Variants in YAF2 observed in about 807,000 individuals in gnomAD.
YAF2 encodes the protein YY1-associated factor 2.
In YAF2, 7 loss-of-function variants were observed where a neutral mutation model predicts 20.1. The observed-to-expected ratio is 0.35, with a 90% CI of 0.20 to 0.65. The LOEUF (loss-of-function observed/expected upper bound fraction) is 0.65, where lower values mean the gene tolerates loss of function less well. Ranked by LOEUF, YAF2 falls within the 30% of genes least tolerant of loss-of-function variation. YAF2 has a pLI of 0.69. For synonymous variants in YAF2, 74 were observed against 76.0 expected, an observed-to-expected ratio of 0.97 and a Z score of 0.14; for missense variants, 151 against 219.2, an observed-to-expected ratio of 0.69 and a Z score of 1.96.
chr12:42,227,437 C>T lies in YAF2; in HGVS notation c.152+10162G>A, dbSNP rs1435466249. Among the ~76,000 whole-genome samples, 11 of 117,140 alleles carry T rather than the reference C, an allele frequency of 9.4e-5. No individual in the cohort carries two copies. The South Asian group carries it at 3.1e-3, about 33-fold the overall frequency. 76.8% of individuals were successfully genotyped at this position (117,140 alleles called of 152,430 possible). ...GCCATCACATCTAGGAAGTGAGGAG[C>T]GTCTCTGCCCGGCCGCCCATCGTCT... On this transcript the variant is annotated intron_variant, in intron 2 of 3. Coordinates refer to ENST00000534854, the MANE Select transcript of YAF2 (RefSeq NM_005748.6).
intron 2 of YAF2, among the ~76,000 whole-genome samples, chr12:42,186,133 G>A (rs1231984942): frequency 6.7e-6 from 1 of 150,150 alleles, no homozygotes; most frequent in East Asian, 2.0e-4. Flanking sequence ...AGAGGTTGCA[G>A]TGGCTGAGAT....
chr12:42,227,988 C>CT (rs2067800522), intron 2 of YAF2, among the ~76,000 whole-genome samples: 1 of 140,488 alleles, frequency 7.1e-6, no homozygotes, highest in Non-Finnish European at 1.6e-5. Context: ...GTCAGCCCCC[C>CT]GCCTGGCCAG....
intron 2 of YAF2, chr12:42,205,967 T>C: frequency 2.8e-6 from 1 of 360,558 alleles, no homozygotes; most frequent in Non-Finnish European, 5.5e-6. Context: ...ATATTGCTTC[T>C]CCACTCCTCT....
intron 2 of YAF2, among the ~76,000 whole-genome samples, chr12:42,182,543 G>A (rs2066370672): frequency 6.6e-6 from 1 of 152,120 alleles, no homozygotes; most frequent in Admixed American, 6.6e-5. Context: ...AAGATGAGCT[G>A]GAATCACAAC....
At chr12:42,193,427 T>C (rs997285230) in intron 2 of YAF2, among the ~76,000 whole-genome samples, 1 of 152,210 alleles carries the variant, frequency 6.6e-6, no homozygotes, top group African/African-American at 2.4e-5. Context: ...TTTATTGCTA[T>C]TTCAGAGTGT....
At chr12:42,232,422 T>C (rs993266836) in intron 2 of YAF2, 3 of 985,222 alleles carry the variant, frequency 3.0e-6, no homozygotes, top group African/African-American at 1.7e-5. Flanking sequence ...CACTCTGATA[T>C]CCAGACTACA....
rs553322623 is a variant in YAF2, at chr12:42,160,945, A to G, written c.306-119T>C. On this transcript the variant is annotated intron_variant, in intron 3 of 3. Coordinates refer to ENST00000534854, the MANE Select transcript of YAF2 (RefSeq NM_005748.6). Reference sequence around the variant, plus strand: ...TGAATACATGTATTTAAGGCAATTTATGTGTAACTAGCCACAAAAACATCA... The same window carrying G: ...TGAATACATGTATTTAAGGCAATTTGTGTGTAACTAGCCACAAAAACATCA... 6 of 725,110 alleles carry G rather than the reference A, an allele frequency of 8.3e-6. No homozygotes were observed. The South Asian group carries it at 9.6e-5, about 12-fold the overall frequency. 44.9% of individuals were successfully genotyped at this position (725,110 alleles called of 1,614,324 possible).
rs1445971937 is a variant in YAF2, at chr12:42,238,136, G to A, written c.26+19C>T. On this transcript the variant is annotated intron_variant, in intron 1 of 3. Coordinates refer to ENST00000534854, the MANE Select transcript of YAF2 (RefSeq NM_005748.6). Reference sequence around the variant, plus strand: ...CTGCCGCCCGCACAGTCCGGGCCCCGGGGCCCGGGCGCTGTTACCTGGTGG... The same window carrying A: ...CTGCCGCCCGCACAGTCCGGGCCCCAGGGCCCGGGCGCTGTTACCTGGTGG... 4 of 1,532,786 alleles carry A rather than the reference G, an allele frequency of 2.6e-6. 1 individual carries two copies. The Admixed American group carries it at 7.9e-5, about 30-fold the overall frequency. The allele number at this position is 1,532,786 out of a possible 1,614,324, so 94.9% of individuals were successfully genotyped here. A position where few individuals can be genotyped will look rare whatever the true frequency, so the allele number is the denominator to read the frequency against.
At chr12:42,194,381 C>T (rs1224069828) in intron 2 of YAF2, among the ~76,000 whole-genome samples, 3 of 152,128 alleles carry the variant, frequency 2.0e-5, no homozygotes, top group Non-Finnish European at 2.9e-5. Flanking sequence ...GGATGGCTCA[C>T]GCCTGTAATC....
chr12:42,193,921 T>C (rs1250445023), intron 2 of YAF2, among the ~76,000 whole-genome samples: 1 of 152,188 alleles, frequency 6.6e-6, no homozygotes, highest in Non-Finnish European at 1.5e-5. Context: ...TCTGTATGCC[T>C]AGGCTAATGT....
intron 2 of YAF2, among the ~76,000 whole-genome samples, chr12:42,194,599 G>C (rs1355786839): frequency 3.3e-5 from 5 of 152,160 alleles, no homozygotes; most frequent in African/African-American, 4.8e-5. Context: ...AGCTGAGATT[G>C]TGCCACTGCA....
intron 2 of YAF2, among the ~76,000 whole-genome samples, chr12:42,215,999 C>A (rs1391125462): frequency 6.6e-6 from 1 of 151,612 alleles, no homozygotes; most frequent in Non-Finnish European, 1.5e-5. Context: ...ATTTACTTAC[C>A]ACTTAAATTC....
chr12:42,166,044 G>A (rs764406509), intron 2 of YAF2, among the ~76,000 whole-genome samples: 4 of 151,642 alleles, frequency 2.6e-5, no homozygotes, highest in African/African-American at 9.7e-5. Flanking sequence ...TCAGCCTCCC[G>A]AGTAGCTGGG....
At position 42,208,620 on chromosome 12, in the gene YAF2, A is replaced by G. The variant is rs557324355; in HGVS notation, c.152+28979T>C. On this transcript the variant is annotated intron_variant, in intron 2 of 3. Coordinates refer to ENST00000534854, the MANE Select transcript of YAF2 (RefSeq NM_005748.6). ...GGGTGCTGCTAAGGTACTGTATTAA[A>G]TAAATTCCATGAATTAATAGTCTTA... Among the ~76,000 whole-genome samples the G allele has an allele frequency of 3.9e-5, 6 of 152,346 alleles. 1 individual carries two copies. The South Asian group carries it at 1.2e-3, about 32-fold the overall frequency.
chr12:42,192,094 T>C (rs1040628877), intron 2 of YAF2, among the ~76,000 whole-genome samples: 5 of 150,684 alleles, frequency 3.3e-5, no homozygotes, highest in African/African-American at 9.8e-5. Flanking sequence ...AAAAGTGTTA[T>C]AGAAACTGAA....
At chr12:42,237,571 C>CGGCGCGAGGGGCA in intron 2 of YAF2, 28 bp downstream of exon 2, 6 of 1,490,958 alleles carry the variant, frequency 4.0e-6, no homozygotes, top group Non-Finnish European at 5.4e-6. Context: ...CGCCGGCCGG[C>CGGCGCGAGGGGCA]GGCGCGAGGG....
At chr12:42,190,559 T>A (rs932198363) in intron 2 of YAF2, among the ~76,000 whole-genome samples, 12 of 152,204 alleles carry the variant, frequency 7.9e-5, no homozygotes, top group African/African-American at 2.9e-4. Flanking sequence ...TTTCCAGCTT[T>A]CCTTAGGTTT....
intron 2 of YAF2, chr12:42,212,566 C>A (rs577613308): frequency 6.9e-6 from 2 of 291,326 alleles, no homozygotes; most frequent in East Asian, 1.1e-4. Context: ...TGAAAGAAAA[C>A]AAAACAAACA....
intron 2 of YAF2, among the ~76,000 whole-genome samples, chr12:42,219,744 G>A (rs1003760053): frequency 2.6e-5 from 4 of 152,144 alleles, no homozygotes; most frequent in Non-Finnish European, 4.4e-5. Flanking sequence ...ATACAGCAGT[G>A]TTTCTCAAAC....
Sources: gnomAD v4.1 joint callset for allele counts (sites outside exome capture counted in the v4.1 genomes callset) on GRCh38, gnomAD v4.1.1 for gene constraint, MANE v1.5 for transcripts, NCBI Gene and HGNC (gene_info 2026-07-23, HGNC 2026-07-21) for gene names.